NOXO1: variants seen among roughly 807,000 people sequenced by gnomAD.
The protein encoded by NOXO1 is NADPH oxidase organizer 1, also known as NADPH oxidase regulatory protein.
A neutral mutation model predicts 33.3 loss-of-function variants in NOXO1; 38 were observed. That is an observed-to-expected ratio of 1.14 (90% CI 0.88 to 1.50). The LOEUF is 1.50. NOXO1 is among the 40% of genes most tolerant of loss of function. The pLI, the probability that NOXO1 is intolerant of heterozygous loss-of-function variation, is 0.00. For synonymous variants in NOXO1, 302 were observed against 237.3 expected (o/e 1.27, Z -2.51); for missense variants, 675 against 527.1 (o/e 1.28, Z -2.75).
intron 3 of NOXO1, 43 bp downstream of exon 3, chr16:1,980,613 C>A: frequency 6.3e-7 from 1 of 1,590,998 alleles, no homozygotes; most frequent in East Asian, 2.3e-5. Flanking sequence ...CGCCCCCAGG[C>A]AAGCCACCGC....
chr16:1,979,093 C>A lies in NOXO1; in HGVS notation c.1075G>T (p.Gly359Trp). Reference sequence around the variant, plus strand: ...GGGTGCGGCACAGAGTCCACGCACCCTCGAGGGCGGCCCTGGCGCCGTGGG... The same window carrying A: ...GGGTGCGGCACAGAGTCCACGCACCATCGAGGGCGGCCCTGGCGCCGTGGG... ...RRPRRQGRPR[G>W]CVDSVPHPTT... Residue 359 changes from glycine to tryptophan, a missense_variant, in exon 8 of 8, where the codon GGG (glycine) becomes TGG (tryptophan). Gly to Trp is a radical substitution (Grantham distance 184). Transcript: ENST00000356120. 6.6e-7 allele frequency: 1 copy of A among 1,510,040 alleles called. No homozygotes were observed. The highest frequency in any genetic ancestry group is 2.4e-5 in the Admixed American group (1 of 41,410). 93.5% of individuals were successfully genotyped at this position (1,510,040 alleles called of 1,614,324 possible). A position where few individuals can be genotyped will look rare whatever the true frequency, so the allele number is the denominator to read the frequency against.
At position 1,980,069 on chromosome 16, in the gene NOXO1, G is replaced by T. The variant is rs1249652877; in HGVS notation, c.514C>A (p.Gln172Lys). Residue 172 changes from glutamine to lysine, a missense_variant, in exon 5 of 8, where the codon CAG (glutamine) becomes AAG (lysine). Gln to Lys is a moderately conservative substitution (Grantham distance 53). Coordinates refer to ENST00000356120, the MANE Select transcript of NOXO1 (RefSeq NM_172167.3). Reference protein sequence around the residue: ...SLRCLQPFCTQDTRDRPFQAQ... With the variant: ...SLRCLQPFCTKDTRDRPFQAQ... ...TGAAAAGGCCTATCCCGCGTGTCCT[G>T]GGTACAGAAGGGCTGCAGGCAGCGC... 1 of 1,607,672 alleles carries T rather than the reference G, an allele frequency of 6.2e-7. No individual in the cohort carries two copies. The highest frequency in any genetic ancestry group is 1.1e-5 in the South Asian group (1 of 90,082).
At position 1,980,538 on chromosome 16, in the gene NOXO1, G is replaced by T. The variant is rs1198962037; in HGVS notation, c.230C>A (p.Pro77Gln). 1 of 1,603,520 alleles carries T rather than the reference G, an allele frequency of 6.2e-7. No individual in the cohort carries two copies. The highest frequency in any genetic ancestry group is 8.5e-7 in the Non-Finnish European group (1 of 1,177,828). ...CGTGCGCCCCACGCGTCCCAACAGT[G>T]GTGCATCTTAAGGCACCACAAAAAC... ...DRVLPKLLDAPLLGRVGRTSR... is the reference protein window; with the variant it reads ...DRVLPKLLDAQLLGRVGRTSR... The change falls in exon 4 of 8, where the codon CCA (proline) becomes CAA (glutamine). Residue 77 changes from proline (P) to glutamine (Q), a missense_variant. By Grantham distance (76) the Pro-to-Gln change is moderately conservative (BLOSUM62 -1). Coordinates refer to ENST00000356120, the MANE Select transcript of NOXO1 (RefSeq NM_172167.3).
rs756925016 is a variant in NOXO1 at position 1,979,432 on chromosome 16, G to T, written c.811C>A (p.Leu271Ile). 6 of 1,609,024 alleles carry T rather than the reference G, an allele frequency of 3.7e-6. No homozygotes were observed. The South Asian group carries it at 5.5e-5, about 15-fold the overall frequency. The change falls in exon 7 of 8, where the codon CTA becomes ATA. Residue 271 changes from leucine (L) to isoleucine (I), a missense_variant. Leu to Ile is a conservative substitution (Grantham distance 5). Transcript: ENST00000356120. The stretch of plus-strand genomic sequence containing the variant: ...ACGCCCGCTCCCGCGTACCTGCATA[G>T]CCACCAGCCGCGGTCTGACGTTTCC... ...VLETSDRGWWLCRYGDRAGLL... is the reference protein window; with the variant it reads ...VLETSDRGWWICRYGDRAGLL...
Position 1,981,392 on chromosome 16 carries a change from G to A in NOXO1, c.-213C>T. ...CCACGATCTGGGGGCAGGAGCACAG[G>A]GATTGGGGGACTTCCAGGCAGAGCT... On this transcript the variant is annotated 5_prime_UTR_variant, in exon 1 of 8. Transcript: ENST00000356120. 8.0e-7 allele frequency: 1 copy of A among 1,245,130 alleles called. No individual in the cohort carries two copies. The allele number at this position is 1,245,130 out of a possible 1,614,324, so 77.1% of individuals were successfully genotyped here.
chr16:1,981,006 G>A lies in NOXO1; in HGVS notation c.80C>T (p.Ser27Phe). 6.2e-7 allele frequency: 1 copy of A among 1,613,346 alleles called. No individual in the cohort carries two copies. Among genetic ancestry groups the A allele is most frequent in the East Asian group, 2.2e-5 (1 of 44,888 alleles). ...QIKRLQTFAF[S>F]VRWSDGSDTF... ...GTCGCTGCCGTCTGACCAGCGCACA[G>A]AGAAGGCAAACGTCTGGGGGACAAA... The change falls in exon 2 of 8, where the codon TCT becomes TTT. Residue 27 changes from serine (S) to phenylalanine (F), a missense_variant. Transcript: ENST00000356120.
At chr16:1,979,755 C>T in intron 6 of NOXO1, 35 bp downstream of exon 6, 1 of 1,443,394 alleles carries the variant, frequency 6.9e-7, no homozygotes, top group Non-Finnish European at 9.3e-7. Flanking sequence ...GGTCAAGCCG[C>T]AGTGGTGGCG....
In NOXO1 at chr16:1,981,219, G is replaced by C; in HGVS notation, c.-40C>G. The C allele has an allele frequency of 6.2e-7, 1 of 1,612,356 alleles. No individual in the cohort carries two copies. The highest frequency in any genetic ancestry group is 8.5e-7 in the Non-Finnish European group (1 of 1,179,708). On this transcript the variant is annotated 5_prime_UTR_variant, in exon 1 of 8. Transcript: ENST00000356120. The stretch of plus-strand genomic sequence containing the variant: ...GGCTGCAGATTCCTGAAATGGGCGA[G>C]GACCCTTCTGCCTCCCCGTGCTTGA...
intron 4 of NOXO1, 72 bp downstream of exon 4, chr16:1,980,295 T>C: frequency 1.3e-6 from 2 of 1,530,116 alleles, no homozygotes; most frequent in Non-Finnish European, 1.8e-6. Context: ...TCGCTGGCTG[T>C]TCCCCCCCAC....
Position 1,979,185 on chromosome 16 carries a change from G to A in NOXO1, c.983C>T (p.Thr328Ile), listed in dbSNP as rs1185772524. 3 of 1,459,692 alleles carry A rather than the reference G, an allele frequency of 2.1e-6. No individual in the cohort carries two copies. The South Asian group carries it at 4.1e-5, about 20-fold the overall frequency. The allele number at this position is 1,459,692 out of a possible 1,614,324, so 90.4% of individuals were successfully genotyped here. ...QATAPPPTVP[T>I]RPSPGAIQSR... ...CTGGATGGCGCCCGGCGAAGGTCGG[G>A]TGGGCACGGTGGGGGGAGGGGCGGT... Residue 328 changes from threonine to isoleucine, a missense_variant, in exon 8 of 8, where the codon ACC becomes ATC. Thr to Ile is a moderately conservative substitution (Grantham distance 89). Coordinates refer to ENST00000356120, the MANE Select transcript of NOXO1 (RefSeq NM_172167.3).
chr16:1,979,731 C>G, intron 6 of NOXO1, 59 bp downstream of exon 6: 3 of 1,358,734 alleles, frequency 2.2e-6, no homozygotes, highest in South Asian at 1.4e-5. Flanking sequence ...GCTTCTGGCC[C>G]AGTCTTGCCA....
In NOXO1 at chr16:1,980,990, G is replaced by T. The variant is rs772456775; in HGVS notation, c.96C>A (p.Asp32Glu). Reference protein sequence around the residue: ...QTFAFSVRWSDGSDTFVRRSW... With the variant: ...QTFAFSVRWSEGSDTFVRRSW... ...TCCTGCGCACGAAGGTGTCGCTGCC[G>T]TCTGACCAGCGCACAGAGAAGGCAA... Residue 32 changes from aspartate (D) to glutamate (E), a missense_variant, in exon 2 of 8, where the codon GAC (aspartate) becomes GAA (glutamate). Physicochemically the swap from Asp to Glu is conservative, Grantham distance 45. Coordinates refer to ENST00000356120, the MANE Select transcript of NOXO1 (RefSeq NM_172167.3). The T allele has an allele frequency of 3.6e-5, 58 of 1,613,108 alleles. 1 individual carries two copies. The South Asian group carries it at 5.9e-4, about 16-fold the overall frequency.
Position 1,980,434 on chromosome 16 carries a change from T to A in NOXO1, c.334A>T (p.Ser112Cys). Residue 112 changes from serine to cysteine, a missense_variant, in exon 4 of 8, where the codon AGC (serine) becomes TGC (cysteine). Physicochemically the swap from Ser to Cys is moderately radical, Grantham distance 112. Coordinates refer to ENST00000356120, the MANE Select transcript of NOXO1 (RefSeq NM_172167.3). ...GCGAAGAAGCCAGTGATCGTCGGGC[T>A]CCGTGCCACGCGCTCTGCAGTCGCC... Reference protein sequence around the residue: ...LLATAERVARSPTITGFFAPQ... With the variant: ...LLATAERVARCPTITGFFAPQ... 6.2e-7 allele frequency: 1 copy of A among 1,602,352 alleles called. No individual in the cohort carries two copies. The highest frequency in any genetic ancestry group is 8.5e-7 in the Non-Finnish European group (1 of 1,179,864).
In NOXO1 at chr16:1,981,379, G is replaced by A. The variant is rs1360396932; in HGVS notation, c.-200C>T. 4.0e-5 allele frequency: 54 copies of A among 1,349,770 alleles called. No individual in the cohort carries two copies. The highest frequency in any genetic ancestry group is 5.0e-5 in the Non-Finnish European group (51 of 1,023,652). 83.6% of individuals were successfully genotyped at this position (1,349,770 alleles called of 1,614,324 possible). On this transcript the variant is annotated 5_prime_UTR_variant, in exon 1 of 8. Coordinates refer to ENST00000356120, the MANE Select transcript of NOXO1 (RefSeq NM_172167.3). Reference sequence around the variant, plus strand: ...CTGTCCCCCAAGCCCACGATCTGGGGGCAGGAGCACAGGGATTGGGGGACT... The same window carrying A: ...CTGTCCCCCAAGCCCACGATCTGGGAGCAGGAGCACAGGGATTGGGGGACT...
At position 1,979,487 on chromosome 16, in the gene NOXO1, G is replaced by C. The variant is rs778501814; in HGVS notation, c.756C>G (p.Ser252=). The C allele has an allele frequency of 6.8e-6, 11 of 1,612,030 alleles. No homozygotes were observed. The South Asian group carries it at 8.8e-5, about 13-fold the overall frequency. The change falls in exon 7 of 8, where the codon TCC becomes TCG. Residue 252 remains serine (S), a synonymous_variant. Coordinates refer to ENST00000356120, the MANE Select transcript of NOXO1 (RefSeq NM_172167.3). Reference sequence around the variant, plus strand: ...CGCGCACGCGCGCCCCCGCGGGCACGGACAGCTCATCTGCGCGGCTGCTCT... The same window carrying C: ...CGCGCACGCGCGCCCCCGCGGGCACCGACAGCTCATCTGCGCGGCTGCTCT... ...AYESSRADEL[S]VPAGARVRVL...
Position 1,980,097 on chromosome 16 carries a change from G to C in NOXO1, c.486C>G (p.Ser162Arg). Residue 162 changes from serine to arginine, a missense_variant, in exon 5 of 8, where the codon AGC (serine) becomes AGG (arginine). Coordinates refer to ENST00000356120, the MANE Select transcript of NOXO1 (RefSeq NM_172167.3). ...TACAGAAGGGCTGCAGGCAGCGCAGGCTCTGAGCCTCCAGACTGTGGATGG... is the reference window on the plus strand; with the variant it reads ...TACAGAAGGGCTGCAGGCAGCGCAGCCTCTGAGCCTCCAGACTGTGGATGG... ...RLSIHSLEAQ[S>R]LRCLQPFCTQ... The C allele has an allele frequency of 6.2e-7, 1 of 1,607,758 alleles. No individual in the cohort carries two copies. The highest frequency in any genetic ancestry group is 8.5e-7 in the Non-Finnish European group (1 of 1,178,702).
In NOXO1 at chr16:1,979,844, C is replaced by A; in HGVS notation, c.646G>T (p.Glu216Ter). ...QTAWFPAPYL[E>*]EAAPGQGREG... Reference sequence around the variant, plus strand: ...CGGCCTTGGCCCGGGGCCGCCTCCTCCAGGTAGGGCGCTGGAAACCAGGCG... The same window carrying A: ...CGGCCTTGGCCCGGGGCCGCCTCCTACAGGTAGGGCGCTGGAAACCAGGCG... The change falls in exon 6 of 8, where the codon GAG (glutamate) becomes TAG (stop). Residue 216 changes from glutamate to a stop codon, truncating the protein, a stop_gained. Transcript: ENST00000356120. LOFTEE classifies it high-confidence loss of function. 6.3e-7 allele frequency: 1 copy of A among 1,579,426 alleles called. No homozygotes were observed. Among genetic ancestry groups the A allele is most frequent in the Non-Finnish European group, 8.6e-7 (1 of 1,164,018 alleles).
rs2083502847 is a variant in NOXO1 at position 1,981,198 on chromosome 16, G to C, written c.-19C>G. ...CTGCCATGGCTGTGGCTTCCAGGCTGCAGATTCCTGAAATGGGCGAGGACC... is the reference window on the plus strand; with the variant it reads ...CTGCCATGGCTGTGGCTTCCAGGCTCCAGATTCCTGAAATGGGCGAGGACC... On this transcript the variant is annotated 5_prime_UTR_variant, in exon 1 of 8. Coordinates refer to ENST00000356120, the MANE Select transcript of NOXO1 (RefSeq NM_172167.3). 1 of 1,613,398 alleles carries C rather than the reference G, an allele frequency of 6.2e-7. No homozygotes were observed. Among genetic ancestry groups the C allele is most frequent in the Non-Finnish European group, 8.5e-7 (1 of 1,179,982 alleles).
intron 6 of NOXO1, 59 bp from the exon 7 acceptor site, chr16:1,979,601 A>G: frequency 7.0e-7 from 1 of 1,435,242 alleles, no homozygotes; most frequent in Middle Eastern, 1.8e-4. Flanking sequence ...GCCCGCCCGC[A>G]CCCTTCTCCA....
Sources: gnomAD v4.1 joint callset for allele counts on GRCh38, gnomAD v4.1.1 for gene constraint, MANE v1.5 for transcripts, NCBI Gene and HGNC (gene_info 2026-07-23, HGNC 2026-07-21) for gene names.